Variants in SCARB2 observed in about 807,000 individuals in gnomAD.
SCARB2 encodes scavenger receptor class B member 2.
SCARB2 carries 29 observed loss-of-function variants against 58.6 expected under a neutral mutation model. The ratio of observed to expected loss-of-function variants is 0.49; its 90% CI spans 0.37 to 0.67. The LOEUF is 0.67. Among genes scored for constraint, SCARB2 ranks in the 30% least tolerant of loss-of-function variants. SCARB2 has a pLI of 0.00. For missense variants in SCARB2, 488 were observed against 578.5 expected (o/e 0.84, Z 1.60); for synonymous variants, 195 against 210.1 (o/e 0.93, Z 0.62).
intron 9 of SCARB2, among the ~76,000 whole-genome samples, chr4:76,167,608 A>G (rs559262031): frequency 6.6e-6 from 1 of 151,760 alleles, no homozygotes; most frequent in East Asian, 1.9e-4. Flanking sequence ...CAGAACTGTA[A>G]GCCAATTAAA....
chr4:76,168,578 AC>A, intron 8 of SCARB2, 102 bp from the exon 9 acceptor site: 1 of 921,578 alleles, frequency 1.1e-6, no homozygotes, highest in Non-Finnish European at 1.8e-6. Flanking sequence ...AAACAAGGTG[AC>A]CATTACCATG....
intron 1 of SCARB2, among the ~76,000 whole-genome samples, chr4:76,228,490 AAG>A (rs576905701): frequency 0.057 from 8,700 of 151,352 alleles, 269 homozygotes; most frequent in Middle Eastern, 0.085. Context: ...AAAAAAAAAA[AAG>A]AAAGAAAGAA....
At chr4:76,232,849 CA>C (rs966922821) in intron 1 of SCARB2, among the ~76,000 whole-genome samples, 1 of 152,018 alleles carries the variant, frequency 6.6e-6, no homozygotes. Flanking sequence ...AATAGTGTTC[CA>C]GATTACTATA....
chr4:76,221,567 G>A (rs1301312457), intron 1 of SCARB2, among the ~76,000 whole-genome samples: 4 of 152,192 alleles, frequency 2.6e-5, no homozygotes, highest in Non-Finnish European at 4.4e-5. Flanking sequence ...TGATCCATCC[G>A]CCTTGGCTTT....
intron 2 of SCARB2, 46 bp downstream of exon 2, chr4:76,195,661 G>A (rs1244192730): frequency 6.4e-7 from 1 of 1,565,138 alleles, no homozygotes; most frequent in East Asian, 2.2e-5. Context: ...GGCCATATTG[G>A]GGTCACTCTG....
In SCARB2 at chr4:76,168,128, G is replaced by T. The variant is rs1732053526; in HGVS notation, c.1187+275C>A. 3.3e-5 allele frequency among the ~76,000 whole-genome samples: 5 copies of T among 152,230 alleles called. No individual in the cohort carries two copies. The South Asian group carries it at 1.0e-3, about 31-fold the overall frequency. ...ACACTCTGCTTCTGTTTCCTCATCT[G>T]TAAAATGGGGATAATACAAGGTTAT... On this transcript the variant is annotated intron_variant, in intron 9 of 11. Coordinates refer to ENST00000264896, the MANE Select transcript of SCARB2 (RefSeq NM_005506.4).
chr4:76,172,358 C>T (rs903091398), intron 7 of SCARB2, among the ~76,000 whole-genome samples: 1 of 151,754 alleles, frequency 6.6e-6, no homozygotes, highest in African/African-American at 2.4e-5. Flanking sequence ...CCTTGAATTC[C>T]TACGCTCCAG....
At chr4:76,177,813 T>C (rs1732284483) in intron 4 of SCARB2, among the ~76,000 whole-genome samples, 1 of 152,146 alleles carries the variant, frequency 6.6e-6, no homozygotes, top group South Asian at 2.1e-4. Flanking sequence ...ATATGAGATG[T>C]CCAGAATATG....
chr4:76,213,079 T>G, intron 1 of SCARB2: 1 of 350,252 alleles, frequency 2.9e-6, no homozygotes. Flanking sequence ...TTTCATTCAG[T>G]TCTGTTTCTT....
At chr4:76,217,653 G>A (rs892295383), upstream of SCARB2, 8 of 653,338 alleles carry the variant, frequency 1.2e-5, no homozygotes, top group African/African-American at 5.4e-5. Flanking sequence ...GCAGAACCAT[G>A]AGCCAAATAA....
intron 2 of SCARB2, among the ~76,000 whole-genome samples, chr4:76,188,023 C>T (rs1452734440): frequency 6.6e-6 from 1 of 151,950 alleles, no homozygotes; most frequent in Non-Finnish European, 1.5e-5. Context: ...ACTAAGAAAC[C>T]CCAAAATAAG....
In SCARB2 at chr4:76,159,753, A is replaced by AAT. The variant is rs1324865222; in HGVS notation, c.*1958_*1959dup. The AAT allele has an allele frequency of 2.6e-5, 4 of 152,168 alleles. No individual in the cohort carries two copies. The highest frequency in any genetic ancestry group is 9.7e-5 in the African/African-American group (4 of 41,440). The allele number at this position is 152,168 out of a possible 1,614,324, so 9.4% of individuals were successfully genotyped here. A position where few individuals can be genotyped will look rare whatever the true frequency, so the allele number is the denominator to read the frequency against. ...AGAATCATGACACAAGTATGGAAGT[A>AAT]ATGTTTTTGGTCTCCCTGCCAGTGT... On this transcript the variant is annotated 3_prime_UTR_variant, in exon 12 of 12. Transcript: ENST00000264896.
chr4:76,190,985 T>C (rs1033845066), intron 2 of SCARB2, among the ~76,000 whole-genome samples: 1 of 152,226 alleles, frequency 6.6e-6, no homozygotes, highest in Non-Finnish European at 1.5e-5. Context: ...AGTATCTCAT[T>C]AATAATTCTA....
chr4:76,231,174 T>A (rs1272014341), intron 1 of SCARB2, among the ~76,000 whole-genome samples: 1 of 152,204 alleles, frequency 6.6e-6, no homozygotes, highest in East Asian at 1.9e-4. Context: ...ATAGCTATAG[T>A]TATGCTTGCT....
chr4:76,180,511 T>C (rs1732360273), intron 3 of SCARB2: 1 of 155,816 alleles, frequency 6.4e-6, no homozygotes, highest in African/African-American at 2.4e-5. Context: ...TGCCAGTCTA[T>C]TGATTTCTGG....
rs1345659766 is a variant in SCARB2, at chr4:76,175,755, T to C, written c.824+36A>G. On this transcript the variant is annotated intron_variant, in intron 6 of 11. Transcript: ENST00000264896. ...TTGGTGGTCTTGCAGTGAAAGACCT[T>C]ATTTTTGAAAAAGAACTTATCTTTA... 5 of 1,612,952 alleles carry C rather than the reference T, an allele frequency of 3.1e-6. No homozygotes were observed. In the South Asian group the frequency reaches 5.5e-5, roughly 18 times the overall value.
At chr4:76,175,674 G>GATT in intron 6 of SCARB2, 117 bp downstream of exon 6, 1 of 1,188,654 alleles carries the variant, frequency 8.4e-7, no homozygotes, top group South Asian at 1.3e-5. Flanking sequence ...ATTTATCACT[G>GATT]ATTATGCATA....
intron 11 of SCARB2, 84 bp downstream of exon 11, chr4:76,163,141 G>C (rs1261831799): frequency 6.5e-7 from 1 of 1,550,174 alleles, no homozygotes; most frequent in East Asian, 2.2e-5. Context: ...TAATAAGCCA[G>C]CTGACAGCCC....
intron 6 of SCARB2, chr4:76,174,677 G>C: frequency 6.8e-6 from 2 of 294,098 alleles, no homozygotes; most frequent in Non-Finnish European, 6.6e-6. Flanking sequence ...AGGGAAGCCA[G>C]GGCACGGCAG....
Sources: gnomAD v4.1 joint callset for allele counts (sites outside exome capture counted in the v4.1 genomes callset) on GRCh38, gnomAD v4.1.1 for gene constraint, MANE v1.5 for transcripts, NCBI Gene and HGNC (gene_info 2026-07-23, HGNC 2026-07-21) for gene names.